EEIG2: variants seen among roughly 807,000 people sequenced by gnomAD.
EEIG2 encodes family with sequence similarity 102 member B.
chr1:108,570,697 G>C, the EEIG2 span, among the ~76,000 whole-genome samples: 1 of 152,338 alleles, frequency 6.6e-6, no homozygotes, highest in East Asian at 1.9e-4. Context: ...GCAGTGGGTA[G>C]TAGAATTGAT....
At chr1:108,620,889 A>C in the EEIG2 span, among the ~76,000 whole-genome samples, 1 of 152,172 alleles carries the variant, frequency 6.6e-6, no homozygotes, top group East Asian at 1.9e-4. Context: ...GGCACACAGC[A>C]TACAGTGTCA....
chr1:108,633,815 A>C, the EEIG2 span, among the ~76,000 whole-genome samples: 1 of 151,726 alleles, frequency 6.6e-6, no homozygotes, highest in Non-Finnish European at 1.5e-5. Context: ...ATTTTCCCCA[A>C]CCCCTCCTTC....
At chr1:108,589,255 G>C in the EEIG2 span, among the ~76,000 whole-genome samples, 7 of 151,978 alleles carry the variant, frequency 4.6e-5, no homozygotes, top group African/African-American at 1.7e-4. Context: ...AGTGCTGACA[G>C]GTTCTTTACT....
At chr1:108,573,626 AT>A in the EEIG2 span, among the ~76,000 whole-genome samples, 2 of 152,212 alleles carry the variant, frequency 1.3e-5, no homozygotes, top group African/African-American at 4.8e-5. Context: ...CAAGTCATAT[AT>A]TTCATAAGAG....
the EEIG2 span, among the ~76,000 whole-genome samples, chr1:108,605,935 C>CAGTG: frequency 3.9e-5 from 6 of 152,090 alleles, no homozygotes; most frequent in African/African-American, 1.2e-4. Flanking sequence ...CAGGTTTTTG[C>CAGTG]AGTGAGTCCA....
the EEIG2 span, among the ~76,000 whole-genome samples, chr1:108,600,355 T>G: frequency 6.6e-6 from 1 of 152,140 alleles, no homozygotes; most frequent in Non-Finnish European, 1.5e-5. Flanking sequence ...GTAAATTCAC[T>G]TTTTTTCCAG....
At chr1:108,619,316 A>C in the EEIG2 span, among the ~76,000 whole-genome samples, 3 of 152,234 alleles carry the variant, frequency 2.0e-5, no homozygotes, top group African/African-American at 7.2e-5. Flanking sequence ...TTTCAAGAGA[A>C]TCAAACCCTC....
the EEIG2 span, chr1:108,637,894 C>A: frequency 6.6e-6 from 1 of 152,538 alleles, no homozygotes; most frequent in Non-Finnish European, 1.5e-5. Context: ...AGTTTACACT[C>A]GAATTGTTGA....
At chr1:108,594,891 T>C in the EEIG2 span, among the ~76,000 whole-genome samples, 27 of 152,184 alleles carry the variant, frequency 1.8e-4, no homozygotes, top group Non-Finnish European at 3.2e-4. Flanking sequence ...CTTGTTTTTT[T>C]CCCCAAGCCC....
At chr1:108,586,755 G>A in the EEIG2 span, among the ~76,000 whole-genome samples, 2 of 152,040 alleles carry the variant, frequency 1.3e-5, no homozygotes, top group African/African-American at 2.4e-5. Context: ...TTGGTTTTTC[G>A]TGTACATACA....
the EEIG2 span, chr1:108,616,375 T>G: frequency 6.3e-7 from 1 of 1,583,936 alleles, no homozygotes; most frequent in Non-Finnish European, 8.6e-7. Context: ...TCTTGTTTTA[T>G]ATTTAGGTTT....
At chr1:108,588,730 T>G in the EEIG2 span, among the ~76,000 whole-genome samples, 1 of 146,954 alleles carries the variant, frequency 6.8e-6, no homozygotes, top group Non-Finnish European at 1.5e-5. Flanking sequence ...TTATTTGACT[T>G]TTTTTTTTTT....
the EEIG2 span, among the ~76,000 whole-genome samples, chr1:108,623,356 A>T: frequency 6.6e-5 from 10 of 152,248 alleles, no homozygotes; most frequent in Admixed American, 4.6e-4. Context: ...AAAGCCAGGC[A>T]TGGTTCTGTG....
chr1:108,606,546 C>T, the EEIG2 span, among the ~76,000 whole-genome samples: 2 of 152,160 alleles, frequency 1.3e-5, no homozygotes, highest in African/African-American at 4.8e-5. Flanking sequence ...GAAGTGTTGC[C>T]AGGCCCACCT....
chr1:108,605,212 C>T, the EEIG2 span, among the ~76,000 whole-genome samples: 1 of 151,992 alleles, frequency 6.6e-6, no homozygotes, highest in African/African-American at 2.4e-5. Context: ...CTAGCAGAAA[C>T]AAGGATCATC....
chr1:108,627,468 C>G, the EEIG2 span: 1 of 152,226 alleles, frequency 6.6e-6, no homozygotes, highest in Non-Finnish European at 1.5e-5. Context: ...TCTGCATTCT[C>G]TGGAAGAAGC....
the EEIG2 span, among the ~76,000 whole-genome samples, chr1:108,588,981 C>G: frequency 6.6e-6 from 1 of 152,258 alleles, no homozygotes; most frequent in African/African-American, 2.4e-5. Flanking sequence ...TGAGGTCCTA[C>G]TGTGTGCCAA....
At chr1:108,632,071 ACC>A in the EEIG2 span, among the ~76,000 whole-genome samples, 1 of 143,038 alleles carries the variant, frequency 7.0e-6, no homozygotes, top group African/African-American at 2.6e-5. Context: ...CCAAGATTGC[ACC>A]ACTGCACTCC....
the EEIG2 span, among the ~76,000 whole-genome samples, chr1:108,604,865 CA>C: frequency 3.4e-3 from 302 of 88,196 alleles, 1 homozygote; most frequent in South Asian, 7.0e-3. Flanking sequence ...CCCACCTCTC[CA>C]AAAAAAAAAA....
Sources: allele counts gnomAD v4.1 joint callset (sites outside exome capture counted in the v4.1 genomes callset), GRCh38; gene constraint gnomAD v4.1.1; transcripts MANE v1.5; gene names NCBI Gene and HGNC (gene_info 2026-07-23, HGNC 2026-07-21).